The following FYB1 variants were observed in gnomAD, a reference collection of about 807,000 sequenced individuals.
FYB1 encodes FYN binding protein 1.
A neutral mutation model predicts 94.1 loss-of-function variants in FYB1; 41 were observed. The ratio of observed to expected loss-of-function variants is 0.44; its 90% CI spans 0.34 to 0.57. FYB1 has a LOEUF of 0.57. FYB1 is among the 20% of genes least tolerant of loss of function. The pLI, the probability that FYB1 is intolerant of heterozygous loss-of-function variation, is 0.02. For missense variants in FYB1, 1,050 were observed against 976.8 expected (o/e 1.07, Z -1.00); for synonymous variants, 367 against 353.2 (o/e 1.04, Z -0.44).
intron 3 of FYB1, among the ~76,000 whole-genome samples, chr5:39,141,694 T>G (rs1232572408): frequency 6.6e-6 from 1 of 152,006 alleles, no homozygotes; most frequent in Non-Finnish European, 1.5e-5. Flanking sequence ...AAAGTCACAA[T>G]TACTTTTGCA....
chr5:39,202,157 C>T lies in FYB1; in HGVS notation c.804G>A (p.Ala268=), dbSNP rs371334972. The T allele has an allele frequency of 5.0e-5, 80 of 1,613,902 alleles. No individual in the cohort carries two copies. Among genetic ancestry groups the T allele is most frequent in the East Asian group, 2.7e-4 (12 of 44,886 alleles). The stretch of plus-strand genomic sequence containing the variant: ...TGGAGAGACCTGGGCCTCCCCTGCT[C>T]GCAGCAGGTTTCAAAACCACTCCAG... ...PFPGVVLKPA[A]SRGGPGLSKN... The change falls in exon 2 of 19, where the codon GCG becomes GCA. Residue 268 remains alanine (A), a synonymous_variant. Transcript: ENST00000512982.
chr5:39,192,660 G>C (rs1186698313), intron 2 of FYB1, among the ~76,000 whole-genome samples: 1 of 152,308 alleles, frequency 6.6e-6, no homozygotes, highest in African/African-American at 2.4e-5. Flanking sequence ...ACTAAGAAAA[G>C]CGACAGTTCC....
At chr5:39,257,969 A>G (rs6897976) in intron 1 of FYB1, among the ~76,000 whole-genome samples, 32 of 152,058 alleles carry the variant, frequency 2.1e-4, no homozygotes, top group African/African-American at 7.5e-4. Flanking sequence ...TGGGTTTGGG[A>G]GATCTCAAAC....
At chr5:39,167,957 AATTAT>A (rs57216721) in intron 2 of FYB1, among the ~76,000 whole-genome samples, 87,592 of 151,466 alleles carry the variant, frequency 0.58, 29,343 homozygotes, top group Non-Finnish European at 0.75. Flanking sequence ...AAGTTATGAC[AATTAT>A]ATTATTTAAC....
chr5:39,107,267 G>A lies in FYB1; in HGVS notation c.*176C>T. On this transcript the variant is annotated 3_prime_UTR_variant, in exon 19 of 19. Coordinates refer to ENST00000512982, the MANE Select transcript of FYB1 (RefSeq NM_001465.6). ...TCTTCTGAGTTAACAATTAAGCAGA[G>A]AGATTATTTTCTATGTTCAAACTTT... 2.4e-6 allele frequency: 1 copy of A among 415,570 alleles called. No individual in the cohort carries two copies. Among genetic ancestry groups the A allele is most frequent in the Non-Finnish European group, 4.4e-6 (1 of 225,402 alleles). The allele number at this position is 415,570 out of a possible 1,614,324, so 25.7% of individuals were successfully genotyped here.
At position 39,219,497 on chromosome 5, in the gene FYB1, G is replaced by T; in HGVS notation, c.-82C>A. On this transcript the variant is annotated 5_prime_UTR_variant, in exon 1 of 19. Transcript: ENST00000512982. Reference sequence around the variant, plus strand: ...GGCCTCCTTTAGTGGATCTTCCTGGGCCAGGGTCTGGGCCCTACTCACTTC... The same window carrying T: ...GGCCTCCTTTAGTGGATCTTCCTGGTCCAGGGTCTGGGCCCTACTCACTTC... The T allele has an allele frequency of 3.0e-6, 3 of 985,488 alleles. No homozygotes were observed. Among genetic ancestry groups the T allele is most frequent in the Non-Finnish European group, 2.4e-6 (2 of 829,936 alleles). 61.0% of individuals were successfully genotyped at this position (985,488 alleles called of 1,614,324 possible).
intron 2 of FYB1, chr5:39,169,881 AG>A: frequency 1.7e-6 from 1 of 578,876 alleles, no homozygotes; most frequent in Admixed American, 2.3e-5. Flanking sequence ...TCTGAAAGAC[AG>A]GTGTCTTTCC....
chr5:39,123,302 G>C (rs1740304271), intron 13 of FYB1, among the ~76,000 whole-genome samples: 1 of 152,094 alleles, frequency 6.6e-6, no homozygotes, highest in South Asian at 2.1e-4. Flanking sequence ...GATGAAACTT[G>C]CTCAGCTGCG....
At chr5:39,140,335 G>A (rs1327530291) in intron 4 of FYB1, among the ~76,000 whole-genome samples, 1 of 152,058 alleles carries the variant, frequency 6.6e-6, no homozygotes, top group East Asian at 1.9e-4. Flanking sequence ...GTAGAAACTG[G>A]CAACTTACAG....
intron 1 of FYB1, among the ~76,000 whole-genome samples, chr5:39,265,121 A>T (rs985227965): frequency 8.6e-5 from 13 of 151,970 alleles, no homozygotes; most frequent in Non-Finnish European, 1.9e-4. Flanking sequence ...GGATCGCCTG[A>T]GGTCAGGAGT....
At chr5:39,168,695 G>A (rs528052454) in intron 2 of FYB1, among the ~76,000 whole-genome samples, 15 of 152,166 alleles carry the variant, frequency 9.9e-5, no homozygotes, top group Middle Eastern at 6.8e-3. Flanking sequence ...GTTAAAAACC[G>A]TAGTCACATT....
chr5:39,119,095 A>T, intron 15 of FYB1, 59 bp from the exon 16 acceptor site: 1 of 755,940 alleles, frequency 1.3e-6, no homozygotes, highest in Non-Finnish European at 1.9e-6. Context: ...GAAACAACTT[A>T]TTTATGGATG....
rs550414467 is a variant in FYB1 at position 39,227,640 on chromosome 5, G to A, written c.-27-24653C>T. ...ATTCATGTAATGATGGAAATTTCTA[G>A]CTTTCCATGCAAAGTCTGATTCTCT... On this transcript the variant is annotated intron_variant, in intron 1 of 1. Coordinates refer to the FYB1 transcript ENST00000510188. Among the ~76,000 whole-genome samples, 178 of 152,310 alleles carry A rather than the reference G, an allele frequency of 1.2e-3. 3 individuals are homozygous for A. Among genetic ancestry groups the A allele is most frequent in the African/African-American group, 4.1e-3 (169 of 41,564 alleles).
intron 3 of FYB1, among the ~76,000 whole-genome samples, chr5:39,142,717 CT>C (rs550843288): frequency 3.2e-3 from 484 of 152,262 alleles, no homozygotes; most frequent in Middle Eastern, 6.8e-3. Context: ...ACTCTACTTC[CT>C]CTTCTCTCAC....
At chr5:39,182,594 T>TAAA in intron 2 of FYB1, among the ~76,000 whole-genome samples, 1 of 152,316 alleles carries the variant, frequency 6.6e-6, no homozygotes, top group East Asian at 1.9e-4. Context: ...AGAGCTTCTT[T>TAAA]TAGGAGAATC....
Position 39,245,891 on chromosome 5 carries a change from C to T in FYB1, c.-28+28512G>A, listed in dbSNP as rs975469944. Among the ~76,000 whole-genome samples the T allele has an allele frequency of 1.1e-4, 16 of 152,296 alleles. 1 individual carries two copies. The highest frequency in any genetic ancestry group is 9.2e-4 in the Admixed American group (14 of 15,294). On this transcript the variant is annotated intron_variant, in intron 1 of 1. Coordinates refer to the FYB1 transcript ENST00000510188. ...GTGGGATTACAGGCATGAGCCACTGCGTCTGGCCTGGAACAGGCTTTTGTA... is the reference window on the plus strand; with the variant it reads ...GTGGGATTACAGGCATGAGCCACTGTGTCTGGCCTGGAACAGGCTTTTGTA...
At chr5:39,136,163 AG>A in intron 7 of FYB1, among the ~76,000 whole-genome samples, 2 of 152,046 alleles carry the variant, frequency 1.3e-5, no homozygotes, top group East Asian at 3.9e-4. Flanking sequence ...TCTGCCTCCC[AG>A]GTTCATGCCA....
chr5:39,209,657 A>G (rs1446987622), intron 1 of FYB1, among the ~76,000 whole-genome samples: 1 of 152,140 alleles, frequency 6.6e-6, no homozygotes, highest in Admixed American at 6.5e-5. Flanking sequence ...ATTATAATTT[A>G]CATGTGTGTT....
intron 3 of FYB1, among the ~76,000 whole-genome samples, chr5:39,143,865 A>AACTT (rs967528633): frequency 4.6e-5 from 7 of 152,238 alleles, no homozygotes; most frequent in Admixed American, 2.6e-4. Flanking sequence ...TTAAAAATTT[A>AACTT]ACTTATATAT....
Sources: allele counts gnomAD v4.1 joint callset (sites outside exome capture counted in the v4.1 genomes callset), GRCh38; gene constraint gnomAD v4.1.1; transcripts MANE v1.5; gene names NCBI Gene and HGNC (gene_info 2026-07-23, HGNC 2026-07-21).